LINGO2: variants seen among roughly 807,000 people sequenced by gnomAD.
The protein encoded by LINGO2 is leucine-rich repeat and immunoglobulin-like domain-containing nogo receptor-interacting protein 2.
LINGO2 carries 14 observed loss-of-function variants against 30.6 expected under a neutral mutation model. The observed-to-expected ratio is 0.46, with a 90% CI of 0.30 to 0.72. The LOEUF (loss-of-function observed/expected upper bound fraction) is 0.72, where lower values mean the gene tolerates loss of function less well. Among genes scored for constraint, LINGO2 ranks in the 30% least tolerant of loss-of-function variants. The pLI is 0.07. For synonymous variants in LINGO2, 317 were observed against 288.5 expected (o/e 1.10, Z -1.00); for missense variants, 729 against 751.7 (o/e 0.97, Z 0.35).
the LINGO2 span, among the ~76,000 whole-genome samples, chr9:29,063,881 A>G: frequency 6.6e-6 from 1 of 152,194 alleles, no homozygotes; most frequent in South Asian, 2.1e-4. Flanking sequence ...TAAAATGATA[A>G]CAATACCTAC....
the LINGO2 span, among the ~76,000 whole-genome samples, chr9:28,857,872 A>C: frequency 1.3e-5 from 2 of 152,108 alleles, no homozygotes; most frequent in South Asian, 4.1e-4. Context: ...ATATTATTGA[A>C]ATTAATTTCA....
chr9:28,336,606 A>T (rs574993326), intron 3 of LINGO2, among the ~76,000 whole-genome samples: 1 of 152,280 alleles, frequency 6.6e-6, no homozygotes, highest in Admixed American at 6.5e-5. Context: ...GTTTTAGGTC[A>T]AACTTCATTC....
At chr9:28,683,473 T>C in the LINGO2 span, among the ~76,000 whole-genome samples, 235 of 152,214 alleles carry the variant, frequency 1.5e-3, no homozygotes, top group Admixed American at 3.0e-3. Flanking sequence ...CCTTCTAAGT[T>C]TTCCTACCCC....
chr9:28,136,201 G>A (rs1264422481), intron 4 of LINGO2, among the ~76,000 whole-genome samples: 1 of 152,320 alleles, frequency 6.6e-6, no homozygotes, highest in East Asian at 1.9e-4. Flanking sequence ...CAAAGTTACT[G>A]TGAGGCTAAT....
intron 4 of LINGO2, among the ~76,000 whole-genome samples, chr9:28,280,882 C>G (rs904954158): frequency 6.6e-6 from 1 of 152,100 alleles, no homozygotes; most frequent in Non-Finnish European, 1.5e-5. Context: ...AGTCAGACTT[C>G]GAATTGACTA....
the LINGO2 span, among the ~76,000 whole-genome samples, chr9:29,096,619 G>A: frequency 7.1e-6 from 1 of 140,314 alleles, no homozygotes; most frequent in Admixed American, 7.2e-5. Flanking sequence ...TTCCTAAATA[G>A]AGATTTGTGA....
At chr9:28,425,021 C>G (rs1823346903) in intron 2 of LINGO2, among the ~76,000 whole-genome samples, 1 of 151,874 alleles carries the variant, frequency 6.6e-6, no homozygotes, top group Non-Finnish European at 1.5e-5. Flanking sequence ...TATTTAATGT[C>G]TCATGTACAG....
At chr9:28,991,018 T>C in the LINGO2 span, among the ~76,000 whole-genome samples, 1 of 152,192 alleles carries the variant, frequency 6.6e-6, no homozygotes, top group Admixed American at 6.5e-5. Flanking sequence ...GGATGGAGAA[T>C]GACTTTGATG....
intron 1 of LINGO2, among the ~76,000 whole-genome samples, chr9:28,625,030 C>G (rs939959376): frequency 6.6e-6 from 1 of 151,940 alleles, no homozygotes; most frequent in Non-Finnish European, 1.5e-5. Context: ...GGCTCGAAGA[C>G]CAGCCCAGCA....
chr9:28,583,461 T>A lies in LINGO2; in HGVS notation c.-365+86739A>T, dbSNP rs139769704. 3.4e-3 allele frequency among the ~76,000 whole-genome samples: 511 copies of A among 152,076 alleles called. 1 individual carries two copies. The highest frequency in any genetic ancestry group is 0.011 in the African/African-American group (468 of 41,526). ...ATCATACTTCAGAAAAACATTTCCC[T>A]TTGATTGTGTAATATTGTTTTCATG... On this transcript the variant is annotated intron_variant, in intron 1 of 5. Coordinates refer to ENST00000379992, the Ensembl canonical transcript of LINGO2.
intron 1 of LINGO2, among the ~76,000 whole-genome samples, chr9:28,516,137 T>C (rs989800670): frequency 2.6e-5 from 4 of 152,214 alleles, no homozygotes; most frequent in African/African-American, 4.8e-5. Context: ...TAATAGACTA[T>C]GTTATACTAT....
chr9:29,089,992 C>A, the LINGO2 span, among the ~76,000 whole-genome samples: 12 of 151,894 alleles, frequency 7.9e-5, no homozygotes, highest in Admixed American at 7.2e-4. Flanking sequence ...ATAATTCTCA[C>A]CCTCTTTTCA....
intron 4 of LINGO2, among the ~76,000 whole-genome samples, chr9:28,194,725 A>G (rs1819949238): frequency 1.3e-5 from 2 of 152,000 alleles, no homozygotes; most frequent in African/African-American, 4.8e-5. Flanking sequence ...ACACCTGCCA[A>G]TGCAAACAAC....
At chr9:28,191,817 A>G (rs911365200) in intron 4 of LINGO2, among the ~76,000 whole-genome samples, 1 of 152,022 alleles carries the variant, frequency 6.6e-6, no homozygotes, top group Non-Finnish European at 1.5e-5. Context: ...AATGACAGTA[A>G]CCTGGTTTTC....
the LINGO2 span, among the ~76,000 whole-genome samples, chr9:29,190,073 C>A: frequency 2.0e-5 from 3 of 149,852 alleles, no homozygotes; most frequent in Non-Finnish European, 4.4e-5. Flanking sequence ...GGGGGAGCTA[C>A]ATTTCAATTT....
chr9:28,427,856 T>C (rs1264060829), intron 2 of LINGO2, among the ~76,000 whole-genome samples: 1 of 152,156 alleles, frequency 6.6e-6, no homozygotes, highest in Admixed American at 6.6e-5. Context: ...GCTCCTAATA[T>C]AGAGCTCGGC....
the LINGO2 span, among the ~76,000 whole-genome samples, chr9:28,796,425 T>C: frequency 6.6e-6 from 1 of 152,086 alleles, no homozygotes; most frequent in Non-Finnish European, 1.5e-5. Context: ...GGTGTCAGAA[T>C]TTGATATTTA....
At chr9:29,032,845 A>T in the LINGO2 span, among the ~76,000 whole-genome samples, 1 of 152,106 alleles carries the variant, frequency 6.6e-6, no homozygotes, top group Non-Finnish European at 1.5e-5. Flanking sequence ...TGTATTGGAG[A>T]GACTACATAT....
chr9:29,027,042 G>A, the LINGO2 span, among the ~76,000 whole-genome samples: 1 of 152,178 alleles, frequency 6.6e-6, no homozygotes, highest in South Asian at 2.1e-4. Context: ...AAGGTGAAAT[G>A]TTATTTCACA....
Sources: gnomAD v4.1 joint callset for allele counts (sites outside exome capture counted in the v4.1 genomes callset) on GRCh38, gnomAD v4.1.1 for gene constraint, MANE v1.5 for transcripts, NCBI Gene and HGNC (gene_info 2026-07-23, HGNC 2026-07-21) for gene names.